LRMDA: variants seen among roughly 807,000 people sequenced by gnomAD.
LRMDA encodes the protein leucine-rich melanocyte differentiation-associated protein.
Under a neutral mutation model 29.8 loss-of-function variants are expected in LRMDA, and 18 were observed. The ratio of observed to expected loss-of-function variants is 0.60; its 90% CI spans 0.42 to 0.90. The LOEUF is 0.90. Ranked by LOEUF, LRMDA falls within the 40% of genes least tolerant of loss-of-function variation. The pLI is 0.00. For missense variants in LRMDA, 273 were observed against 273.9 expected, an observed-to-expected ratio of 1.00 and a Z score of 0.02; for synonymous variants, 125 against 109.4, an observed-to-expected ratio of 1.14 and a Z score of -0.89.
At chr10:75,962,750 T>C (rs1354406502) in intron 2 of LRMDA, among the ~76,000 whole-genome samples, 1 of 152,230 alleles carries the variant, frequency 6.6e-6, no homozygotes, top group African/African-American at 2.4e-5. Flanking sequence ...GAAAAATACA[T>C]TCACTCAAAG....
chr10:75,856,799 C>T (rs1368692868), intron 2 of LRMDA, among the ~76,000 whole-genome samples: 1 of 152,176 alleles, frequency 6.6e-6, no homozygotes, highest in African/African-American at 2.4e-5. Flanking sequence ...TCTCACTACT[C>T]CTATTCAACA....
At chr10:75,909,234 A>T (rs1379488529) in intron 2 of LRMDA, among the ~76,000 whole-genome samples, 3 of 152,292 alleles carry the variant, frequency 2.0e-5, no homozygotes, top group South Asian at 2.1e-4. Flanking sequence ...CAAAGAAGTA[A>T]TTTTTTTGAA....
chr10:75,871,478 T>G (rs1845109801), intron 2 of LRMDA, among the ~76,000 whole-genome samples: 1 of 152,178 alleles, frequency 6.6e-6, no homozygotes, highest in African/African-American at 2.4e-5. Flanking sequence ...CTGGGAGGCC[T>G]CCGTATGCTT....
At chr10:76,110,183 G>A (rs1040959037) in intron 5 of LRMDA, among the ~76,000 whole-genome samples, 2 of 152,132 alleles carry the variant, frequency 1.3e-5, no homozygotes, top group Non-Finnish European at 2.9e-5. Flanking sequence ...AAATGGCACT[G>A]TCACCCCTAC....
intron 2 of LRMDA, among the ~76,000 whole-genome samples, chr10:75,858,281 A>G (rs987165533): frequency 6.6e-6 from 1 of 152,194 alleles, no homozygotes; most frequent in African/African-American, 2.4e-5. Flanking sequence ...AAAGATGCTG[A>G]TAGCTTGCAG....
chr10:76,316,462 G>T (rs1314821642), intron 5 of LRMDA, among the ~76,000 whole-genome samples: 1 of 152,222 alleles, frequency 6.6e-6, no homozygotes, highest in Non-Finnish European at 1.5e-5. Context: ...GACAGATGTG[G>T]GATCTGGGCC....
At chr10:75,942,037 G>A (rs1323073) in intron 2 of LRMDA, among the ~76,000 whole-genome samples, 50,115 of 151,892 alleles carry the variant, frequency 0.33, 9,210 homozygotes, top group East Asian at 0.51. Context: ...TGTAGGGTTT[G>A]CTTGGGCAGG....
At chr10:76,049,887 G>A (rs757589899) in intron 4 of LRMDA, among the ~76,000 whole-genome samples, 3 of 152,072 alleles carry the variant, frequency 2.0e-5, no homozygotes, top group Admixed American at 6.6e-5. Context: ...CTAGAAAATT[G>A]CTTAAAAATG....
At chr10:76,457,391 G>C (rs757118576) in intron 6 of LRMDA, among the ~76,000 whole-genome samples, 1 of 152,156 alleles carries the variant, frequency 6.6e-6, no homozygotes, top group Non-Finnish European at 1.5e-5. Context: ...TGAGTTGCCC[G>C]ATGTGCATGT....
In LRMDA at chr10:76,516,701, T is replaced by C. The variant is rs986713645; in HGVS notation, c.602-40508T>C. 3.9e-5 allele frequency among the ~76,000 whole-genome samples: 6 copies of C among 152,212 alleles called. No homozygotes were observed. The East Asian group carries it at 5.8e-4, about 15-fold the overall frequency. On this transcript the variant is annotated intron_variant, in intron 6 of 6. Coordinates refer to ENST00000611255, the MANE Select transcript of LRMDA (RefSeq NM_001305581.2). ...CATTTTTTATGGCTGCATAGTATTC[T>C]ATGGTGTATATGTGCCACATTTTCT...
intron 2 of LRMDA, among the ~76,000 whole-genome samples, chr10:75,904,461 C>T (rs1460994339): frequency 6.6e-6 from 1 of 152,126 alleles, no homozygotes; most frequent in African/African-American, 2.4e-5. Flanking sequence ...TTTATTTCTG[C>T]TGTACCAGGG....
In LRMDA at chr10:76,133,747, C is replaced by T. The variant is rs906521374; in HGVS notation, c.516+74964C>T. Among the ~76,000 whole-genome samples, 7 of 152,158 alleles carry T rather than the reference C, an allele frequency of 4.6e-5. No homozygotes were observed. The South Asian group carries it at 1.4e-3, about 32-fold the overall frequency. On this transcript the variant is annotated intron_variant, in intron 5 of 6. Transcript: ENST00000611255. ...TGGAAAATGATTGATGAGCTGCCTG[C>T]GGCACTGAAGTACACTTTGTCAACC...
intron 5 of LRMDA, among the ~76,000 whole-genome samples, chr10:76,079,710 A>G (rs1332126452): frequency 3.9e-5 from 6 of 152,258 alleles, no homozygotes; most frequent in Admixed American, 1.3e-4. Context: ...CTTCCAGGAC[A>G]TCAGAAGCTA....
intron 2 of LRMDA, among the ~76,000 whole-genome samples, chr10:75,499,694 T>G (rs530073022): frequency 3.0e-4 from 45 of 152,256 alleles, no homozygotes; most frequent in Non-Finnish European, 5.3e-4. Context: ...GCCTTCGGTG[T>G]GTAGACAGCC....
intron 2 of LRMDA, among the ~76,000 whole-genome samples, chr10:75,824,759 G>A (rs2132285004): frequency 6.6e-6 from 1 of 152,310 alleles, no homozygotes; most frequent in African/African-American, 2.4e-5. Flanking sequence ...TATTGGCTCT[G>A]CATAGAAGGC....
chr10:75,718,412 C>CTT (rs1427265096), intron 2 of LRMDA, among the ~76,000 whole-genome samples: 1 of 152,174 alleles, frequency 6.6e-6, no homozygotes, highest in African/African-American at 2.4e-5. Context: ...CTCAGCCAGC[C>CTT]CATTGTCATT....
intron 2 of LRMDA, among the ~76,000 whole-genome samples, chr10:75,892,599 T>C (rs1845511077): frequency 6.6e-6 from 1 of 152,216 alleles, no homozygotes; most frequent in Non-Finnish European, 1.5e-5. Flanking sequence ...TTATATATTA[T>C]GTTTAATAGC....
At chr10:75,865,736 G>A (rs1401357841) in intron 2 of LRMDA, among the ~76,000 whole-genome samples, 1 of 152,026 alleles carries the variant, frequency 6.6e-6, no homozygotes, top group East Asian at 1.9e-4. Flanking sequence ...TGACTTATAT[G>A]GAGGAATAAT....
intron 5 of LRMDA, among the ~76,000 whole-genome samples, chr10:76,133,900 G>A (rs1011144074): frequency 1.3e-5 from 2 of 152,196 alleles, no homozygotes; most frequent in African/African-American, 4.8e-5. Context: ...GTTGTTGGGT[G>A]CCCACAGGGA....
Sources: gnomAD v4.1 joint callset for allele counts (sites outside exome capture counted in the v4.1 genomes callset) on GRCh38, gnomAD v4.1.1 for gene constraint, MANE v1.5 for transcripts, NCBI Gene and HGNC (gene_info 2026-07-23, HGNC 2026-07-21) for gene names.